The following RNF150 variants were observed in gnomAD, a reference collection of about 807,000 sequenced individuals.
The protein encoded by RNF150 is ring finger protein 150.
RNF150 carries 24 observed loss-of-function variants against 39.3 expected under a neutral mutation model. The observed-to-expected ratio is 0.61, with a 90% CI of 0.44 to 0.86. The LOEUF is 0.86. Ranked by LOEUF, RNF150 falls within the 40% of genes least tolerant of loss-of-function variation. RNF150 has a pLI of 0.00. For synonymous variants in RNF150, 255 were observed against 227.3 expected, an observed-to-expected ratio of 1.12 and a Z score of -1.10; for missense variants, 502 against 587.8, an observed-to-expected ratio of 0.85 and a Z score of 1.51.
intron 1 of RNF150, among the ~76,000 whole-genome samples, chr4:141,040,167 C>CCA (rs112615981): frequency 0.14 from 21,532 of 150,410 alleles, 1,733 homozygotes; most frequent in African/African-American, 0.23. Flanking sequence ...GGTAACACAA[C>CCA]CACACACACA....
At position 140,868,261 on chromosome 4, in the gene RNF150, T is replaced by G; in HGVS notation, c.1317A>C (p.Ter439CysextTer92). 9 of 1,553,480 alleles carry G rather than the reference T, an allele frequency of 5.8e-6. No individual in the cohort carries two copies. The highest frequency in any genetic ancestry group is 8.0e-6 in the Non-Finnish European group (9 of 1,124,936). The change falls in exon 7 of 7, where the codon TGA becomes TGC. Residue 439 changes from the stop codon to cysteine, a stop_lost. Coordinates refer to ENST00000515673, the MANE Select transcript of RNF150 (RefSeq NM_020724.2). Reference sequence around the variant, plus strand: ...TCTCTTTGCTTCTGGATTTGTCGTTTCAAGATTTCACTTCTTCACAGTCCT... The same window carrying G: ...TCTCTTTGCTTCTGGATTTGTCGTTGCAAGATTTCACTTCTTCACAGTCCT... Reference protein sequence around the residue: ...TDQDCEEVKS* With the variant: ...TDQDCEEVKSC
chr4:141,145,955 G>A, intron 1 of RNF150, among the ~76,000 whole-genome samples: 1 of 152,168 alleles, frequency 6.6e-6, no homozygotes, highest in Non-Finnish European at 1.5e-5. Flanking sequence ...TGTGTGTCTG[G>A]AGTCAAGCAT....
At chr4:140,977,171 A>G (rs944884428) in intron 1 of RNF150, among the ~76,000 whole-genome samples, 1 of 152,188 alleles carries the variant, frequency 6.6e-6, no homozygotes, top group African/African-American at 2.4e-5. Context: ...TTTTATTAGT[A>G]CCATTACTGT....
intron 6 of RNF150, among the ~76,000 whole-genome samples, chr4:140,871,521 C>T (rs1326197143): frequency 2.0e-5 from 3 of 152,098 alleles, no homozygotes; most frequent in East Asian, 1.9e-4. Context: ...TCTTTTCTTG[C>T]AGTGGCCCAT....
intron 4 of RNF150, among the ~76,000 whole-genome samples, chr4:140,939,606 TTGTGTGTGTG>T (rs142516967): frequency 0.057 from 7,902 of 138,414 alleles, 284 homozygotes; most frequent in South Asian, 0.21. Flanking sequence ...CAAGTGGAGT[TTGTGTGTGTG>T]TGTGTGTGTG....
chr4:141,166,382 C>A (rs146543203), intron 1 of RNF150, among the ~76,000 whole-genome samples: 4 of 152,292 alleles, frequency 2.6e-5, no homozygotes, highest in African/African-American at 9.6e-5. Context: ...CAAAGAGGAG[C>A]TAGTATCATT....
rs145434378 is a variant in RNF150 at position 141,096,557 on chromosome 4, T to C, written c.484+35768A>G. ...CCATTTTAGGAAGATATTTTTCTAC[T>C]ACATTTTCAAAGTGCCTCCGAAGGA... On this transcript the variant is annotated intron_variant, in intron 1 of 6. Transcript: ENST00000515673. Among the ~76,000 whole-genome samples the C allele has an allele frequency of 1.8e-3, 275 of 152,318 alleles. 2 individuals carry two copies. Among genetic ancestry groups the C allele is most frequent in the Non-Finnish European group, 1.8e-3 (122 of 68,034 alleles).
At chr4:141,160,881 A>G (rs75766496) in intron 1 of RNF150, among the ~76,000 whole-genome samples, 2,855 of 152,318 alleles carry the variant, frequency 0.019, 88 homozygotes, top group African/African-American at 0.065. Context: ...AAGCCAATTA[A>G]GCCTCTTTTC....
chr4:141,068,928 G>A (rs1401713230), intron 1 of RNF150, among the ~76,000 whole-genome samples: 1 of 140,932 alleles, frequency 7.1e-6, no homozygotes, highest in Non-Finnish European at 1.6e-5. Context: ...AGACTTTGCT[G>A]AAGTTGCTTA....
intron 1 of RNF150, among the ~76,000 whole-genome samples, chr4:141,177,465 T>C (rs969599849): frequency 1.3e-4 from 12 of 90,760 alleles, no homozygotes; most frequent in African/African-American, 4.4e-4. Context: ...ATACAGGGCA[T>C]TATTGATTCT....
chr4:141,097,111 T>C (rs4956510), intron 1 of RNF150, among the ~76,000 whole-genome samples: 86,026 of 152,144 alleles, frequency 0.57, 29,593 homozygotes, highest in Non-Finnish European at 0.77. Flanking sequence ...AATATCAAAC[T>C]ATTATTTACC....
rs546881446 is a variant in RNF150 at position 140,972,283 on chromosome 4, TTAC to T, written c.485-4413_485-4411del. Among the ~76,000 whole-genome samples the T allele has an allele frequency of 4.7e-3, 722 of 152,262 alleles. 5 individuals are homozygous for T. The highest frequency in any genetic ancestry group is 8.4e-3 in the Non-Finnish European group (572 of 68,012). ...AATACCATATAAATGTAAAGTGTAA[TTAC>T]TACTTTTTGCATCAACAAGTATATT... On this transcript the variant is annotated intron_variant, in intron 1 of 6. Transcript: ENST00000515673.
intron 1 of RNF150, among the ~76,000 whole-genome samples, chr4:141,211,417 G>C (rs762191997): frequency 7.2e-5 from 11 of 152,096 alleles, no homozygotes; most frequent in Non-Finnish European, 1.3e-4. Context: ...TATAATTTAA[G>C]TCAATAATTA....
chr4:140,932,206 C>T (rs1050456752), intron 4 of RNF150, among the ~76,000 whole-genome samples: 2 of 152,216 alleles, frequency 1.3e-5, no homozygotes, highest in Admixed American at 6.5e-5. Context: ...TACTTCTATG[C>T]ATACCCGAAA....
chr4:140,882,628 A>G (rs1729419241), intron 6 of RNF150, among the ~76,000 whole-genome samples: 1 of 152,086 alleles, frequency 6.6e-6, no homozygotes, highest in Admixed American at 6.5e-5. Context: ...TATATTAATA[A>G]TTGTTATATC....
intron 5 of RNF150, among the ~76,000 whole-genome samples, chr4:140,920,924 A>C (rs1187421016): frequency 3.3e-5 from 5 of 151,838 alleles, no homozygotes; most frequent in Non-Finnish European, 7.4e-5. Context: ...ATTCTGAGTA[A>C]ACTATCACAA....
At chr4:141,159,069 A>G (rs1052472734) in intron 1 of RNF150, among the ~76,000 whole-genome samples, 11 of 152,260 alleles carry the variant, frequency 7.2e-5, no homozygotes, top group Admixed American at 4.6e-4. Context: ...ATTTGGAGCT[A>G]GAAAACCACA....
At chr4:141,020,154 T>C (rs568659126) in intron 1 of RNF150, among the ~76,000 whole-genome samples, 6 of 152,146 alleles carry the variant, frequency 3.9e-5, no homozygotes, top group Non-Finnish European at 7.4e-5. Flanking sequence ...GAAAAATACA[T>C]ACATTTTGTA....
At chr4:141,051,384 T>C (rs1316980428) in intron 1 of RNF150, among the ~76,000 whole-genome samples, 4 of 152,192 alleles carry the variant, frequency 2.6e-5, no homozygotes, top group African/African-American at 9.6e-5. Flanking sequence ...CCTCAGAAAA[T>C]GAGATTTTCT....
Sources: gnomAD v4.1 joint callset for allele counts (sites outside exome capture counted in the v4.1 genomes callset) on GRCh38, gnomAD v4.1.1 for gene constraint, MANE v1.5 for transcripts, NCBI Gene and HGNC (gene_info 2026-07-23, HGNC 2026-07-21) for gene names.